STS: variants seen among roughly 807,000 people sequenced by gnomAD.
The protein encoded by STS is steroid sulfatase, also known as steryl-sulfatase.
STS carries 7 observed loss-of-function variants against 26.8 expected under a neutral mutation model. The observed-to-expected ratio is 0.26, with a 90% CI of 0.15 to 0.49. The LOEUF is 0.49. STS is among the 20% of genes least tolerant of loss of function. The pLI is 0.98. For synonymous variants in STS, 199 were observed against 189.4 expected, an observed-to-expected ratio of 1.05 and a Z score of -0.42; for missense variants, 434 against 465.6, an observed-to-expected ratio of 0.93 and a Z score of 0.63.
chrX:7,276,806 T>A (rs1777441991), intron 7 of STS, among the ~76,000 whole-genome samples: 1 of 112,156 alleles, frequency 8.9e-6, no homozygotes, highest in Admixed American at 9.4e-5. Context: ...ACTCCTTCTC[T>A]CCCTTCCTGA....
chrX:7,165,918 G>A (rs927078342), intron 1 of STS, among the ~76,000 whole-genome samples: 12 of 111,300 alleles, frequency 1.1e-4, no homozygotes, highest in African/African-American at 3.6e-4. Context: ...GGCTAGTGCC[G>A]TAGTCTACAG....
intron 8 of STS, among the ~76,000 whole-genome samples, chrX:7,324,341 G>C (rs933623022): frequency 2.0e-4 from 22 of 110,666 alleles, no homozygotes; most frequent in African/African-American, 7.2e-4. Flanking sequence ...CCTCCACGTA[G>C]CAGGCTTCAG....
At position 7,305,253 on chromosome X, in the gene STS, C is replaced by T. The variant is rs754136549; in HGVS notation, c.1081+70C>T. Reference sequence around the variant, plus strand: ...CGCTGGTCACTTTTTTCTTGATTTTCGAGCTTTTCCATAGTTCTTCTGCTA... The same window carrying T: ...CGCTGGTCACTTTTTTCTTGATTTTTGAGCTTTTCCATAGTTCTTCTGCTA... On this transcript the variant is annotated intron_variant, in intron 8 of 10. Coordinates refer to ENST00000674429, the MANE Select transcript of STS (RefSeq NM_001320752.2). 3.5e-4 allele frequency: 410 copies of T among 1,172,504 alleles called. 2 individuals carry two copies. The highest frequency in any genetic ancestry group is 4.4e-4 in the Non-Finnish European group (384 of 864,754).
chrX:7,164,225 C>T (rs1223847052), intron 1 of STS, among the ~76,000 whole-genome samples: 1 of 111,652 alleles, frequency 9.0e-6, no homozygotes, highest in Non-Finnish European at 1.9e-5. Context: ...CTTATAAAAC[C>T]CAAAACATTC....
Position 7,257,354 on chromosome X carries a change from G to C in STS, c.250G>C (p.Val84Leu). The C allele has an allele frequency of 8.3e-7, 1 of 1,211,571 alleles. No homozygotes were observed. The highest frequency in any genetic ancestry group is 1.1e-6 in the Non-Finnish European group (1 of 895,270). ...AGCCTTCATGACTGGCCGGTACCCTGTCCGATCAGGTAACCTCCTATCTGC... is the reference window on the plus strand; with the variant it reads ...AGCCTTCATGACTGGCCGGTACCCTCTCCGATCAGGTAACCTCCTATCTGC... ...RAAFMTGRYP[V>L]RSGMASWSRT... Residue 84 changes from valine to leucine, a missense_variant, in exon 4 of 11, where the codon GTC (valine) becomes CTC (leucine). By Grantham distance (32) the Val-to-Leu change is conservative (BLOSUM62 1). Around this residue, in one of 2 missense-constraint regions of STS, gnomAD observed 229 missense variants for 288.3 expected, o/e 0.79. Coordinates refer to ENST00000674429, the MANE Select transcript of STS (RefSeq NM_001320752.2).
chrX:7,208,311 G>A (rs1920965031), intron 2 of STS, among the ~76,000 whole-genome samples: 1 of 112,008 alleles, frequency 8.9e-6, no homozygotes, highest in Non-Finnish European at 1.9e-5. Flanking sequence ...TAGAAAAGAA[G>A]CATATGATAG....
chrX:7,328,314 G>A (rs1350272187), intron 9 of STS, among the ~76,000 whole-genome samples: 1 of 111,674 alleles, frequency 9.0e-6, no homozygotes, highest in African/African-American at 3.3e-5. Flanking sequence ...CAGAGGCAAA[G>A]AGGAAGATTC....
At chrX:7,252,523 A>G (rs982930716) in intron 2 of STS, among the ~76,000 whole-genome samples, 2 of 111,536 alleles carry the variant, frequency 1.8e-5, no homozygotes, top group African/African-American at 6.5e-5. Flanking sequence ...CAAGAGTGAG[A>G]AGAGAGGCAA....
chrX:7,326,610 G>A (rs766857996), intron 9 of STS, among the ~76,000 whole-genome samples: 2 of 112,012 alleles, frequency 1.8e-5, no homozygotes, highest in African/African-American at 6.5e-5. Flanking sequence ...ATTTAAATAC[G>A]ACTTCATATG....
intron 2 of STS, 32 bp from the exon 3 acceptor site, chrX:7,253,164 T>C: frequency 8.3e-7 from 1 of 1,208,537 alleles, no homozygotes; most frequent in Non-Finnish European, 1.1e-6. Context: ...CTGACATCCT[T>C]CAGTTCCTTT....
At chrX:7,153,497 G>T (rs1933065065) in intron 1 of STS, among the ~76,000 whole-genome samples, 1 of 69,768 alleles carries the variant, frequency 1.4e-5, no homozygotes, top group African/African-American at 6.0e-5. Context: ...TTTCCTTCCT[G>T]TTCTTCTCCT....
intron 7 of STS, among the ~76,000 whole-genome samples, chrX:7,297,656 A>G (rs1180924566): frequency 8.9e-6 from 1 of 112,016 alleles, no homozygotes; most frequent in Non-Finnish European, 1.9e-5. Context: ...TTGAATGGGA[A>G]GATCTTGCAT....
chrX:7,279,403 G>T (rs904475637), intron 7 of STS, among the ~76,000 whole-genome samples: 1 of 48,724 alleles, frequency 2.1e-5, no homozygotes, highest in Non-Finnish European at 3.6e-5. Context: ...GTATATATAT[G>T]TGTGTGTGTC....
chrX:7,187,593 G>C (rs1455161249), intron 1 of STS, among the ~76,000 whole-genome samples: 1 of 112,062 alleles, frequency 8.9e-6, no homozygotes, highest in Non-Finnish European at 1.9e-5. Context: ...GTTGAACATA[G>C]GATGCCTTTA....
intron 2 of STS, among the ~76,000 whole-genome samples, chrX:7,239,372 G>C (rs2147067401): frequency 8.9e-6 from 1 of 111,927 alleles, no homozygotes; most frequent in Non-Finnish European, 1.9e-5. Context: ...AAAAAATATT[G>C]TTTGTCGTGC....
chrX:7,259,959 T>G (rs1923654974), intron 6 of STS, among the ~76,000 whole-genome samples, 187 bp downstream of exon 6: 1 of 111,518 alleles, frequency 9.0e-6, no homozygotes, highest in Non-Finnish European at 1.9e-5. Flanking sequence ...CACTGCAAGC[T>G]CTGCCTCCCG....
intron 1 of STS, among the ~76,000 whole-genome samples, chrX:7,158,922 G>A (rs1454387096): frequency 1.8e-5 from 2 of 111,400 alleles, no homozygotes; most frequent in African/African-American, 3.3e-5. Context: ...GGTAAAATCC[G>A]AGTCGTATTT....
chrX:7,301,599 C>T (rs181309636), intron 7 of STS, among the ~76,000 whole-genome samples: 128 of 111,420 alleles, frequency 1.1e-3, no homozygotes, highest in African/African-American at 4.0e-3. Context: ...AGGGTTCACT[C>T]TTCGTGTTGT....
intron 6 of STS, 121 bp downstream of exon 6, chrX:7,259,893 T>G: frequency 1.1e-6 from 1 of 921,311 alleles, no homozygotes; most frequent in South Asian, 2.1e-5. Context: ...TTCGTTTTTT[T>G]GAGACAGAGT....
Sources: gnomAD v4.1 joint callset for allele counts (sites outside exome capture counted in the v4.1 genomes callset) on GRCh38, gnomAD v4.1.1 for gene constraint, gnomAD v4.1.1 regional missense constraint, MANE v1.5 for transcripts, NCBI Gene and HGNC (gene_info 2026-07-23, HGNC 2026-07-21) for gene names.